Variants in DYNC2I2 observed in about 807,000 individuals in gnomAD.
DYNC2I2 encodes dynein 2 intermediate chain 2.
Under a neutral mutation model 52.0 loss-of-function variants are expected in DYNC2I2, and 39 were observed. The observed-to-expected ratio is 0.75, with a 90% CI of 0.58 to 0.98. DYNC2I2 has a LOEUF of 0.98. Among genes scored for constraint, DYNC2I2 ranks in the 50% least tolerant of loss-of-function variants. DYNC2I2 has a pLI of 0.00. For synonymous variants in DYNC2I2, 359 were observed against 321.1 expected, an observed-to-expected ratio of 1.12 and a Z score of -1.26; for missense variants, 743 against 728.4, an observed-to-expected ratio of 1.02 and a Z score of -0.23.
intron 8 of DYNC2I2, 27 bp downstream of exon 8, chr9:128,634,199 G>C (rs1445871239): frequency 6.2e-7 from 1 of 1,612,578 alleles, no homozygotes; most frequent in African/African-American, 1.3e-5. Flanking sequence ...CCCTTAAACA[G>C]ATCCAGGCCT....
At chr9:128,637,245 G>A (rs1860432968) in intron 2 of DYNC2I2, among the ~76,000 whole-genome samples, 1 of 152,192 alleles carries the variant, frequency 6.6e-6, no homozygotes, top group African/African-American at 2.4e-5. Flanking sequence ...AGGCCGACCA[G>A]GCTCCCGCCC....
the DYNC2I2 span, among the ~76,000 whole-genome samples, chr9:128,682,901 T>G: frequency 6.6e-6 from 1 of 151,096 alleles, no homozygotes; most frequent in African/African-American, 2.4e-5. Context: ...TGGTCTCGAT[T>G]TCCTGACCTC....
intron 1 of DYNC2I2, among the ~76,000 whole-genome samples, chr9:128,643,475 C>T (rs1413906378): frequency 2.7e-5 from 4 of 150,448 alleles, no homozygotes; most frequent in African/African-American, 4.9e-5. Flanking sequence ...TGCAGTGAGC[C>T]GAGATCGTGC....
chr9:128,658,721 A>AT (rs746310535), upstream of DYNC2I2, among the ~76,000 whole-genome samples: 69,890 of 91,650 alleles, frequency 0.76, 27,729 homozygotes, highest in Non-Finnish European at 0.84. Flanking sequence ...ACCTGACCTA[A>AT]TTTTTTTTTT....
In DYNC2I2 at chr9:128,634,241, C is replaced by T. The variant is rs546389016; in HGVS notation, c.1357G>A (p.Ala453Thr). The change falls in exon 8 of 9, where the codon GCT becomes ACT. Residue 453 changes from alanine (A) to threonine (T), a missense_variant. Physicochemically the swap from Ala to Thr is moderately conservative, Grantham distance 58. Transcript: ENST00000372715. ...WSPVRPLVFA[A>T]ASGKGDVQLF... is the part of the protein sequence containing the mutation. ...CCCTTCCTACCTTTCCCAGAGGCAG[C>T]TGCAAAAACCAAGGGCCGCACTGGG... 1.9e-6 allele frequency: 3 copies of T among 1,613,812 alleles called. No homozygotes were observed. The highest frequency in any genetic ancestry group is 2.2e-5 in the East Asian group (1 of 44,882).
the DYNC2I2 span, among the ~76,000 whole-genome samples, chr9:128,662,510 A>G: frequency 4.6e-5 from 7 of 151,732 alleles, no homozygotes; most frequent in Non-Finnish European, 1.0e-4. Flanking sequence ...CCTGGGTTCA[A>G]GCAATTCTCC....
chr9:128,673,634 T>C, the DYNC2I2 span, among the ~76,000 whole-genome samples: 1 of 151,146 alleles, frequency 6.6e-6, no homozygotes, highest in Non-Finnish European at 1.5e-5. Context: ...GCCTCCCGAG[T>C]AGCTGGAACT....
At chr9:128,648,870 T>TA (rs1403774972) in intron 1 of DYNC2I2, among the ~76,000 whole-genome samples, 2 of 151,186 alleles carry the variant, frequency 1.3e-5, no homozygotes, top group South Asian at 2.1e-4. Context: ...GGCACTCACT[T>TA]AGAGGCCCAG....
intron 1 of DYNC2I2, among the ~76,000 whole-genome samples, chr9:128,655,494 G>A (rs1296461234): frequency 1.5e-5 from 2 of 134,072 alleles, no homozygotes; most frequent in Non-Finnish European, 3.2e-5. Flanking sequence ...CCGGGCGACA[G>A]AGCGAGACTC....
At chr9:128,641,438 A>G (rs1423331684) in intron 1 of DYNC2I2, among the ~76,000 whole-genome samples, 1 of 152,132 alleles carries the variant, frequency 6.6e-6, no homozygotes, top group Non-Finnish European at 1.5e-5. Context: ...ATGAGCTGCT[A>G]GGTGGGAGGC....
chr9:128,643,354 G>A (rs1459127103), intron 1 of DYNC2I2, among the ~76,000 whole-genome samples: 1 of 151,950 alleles, frequency 6.6e-6, no homozygotes, highest in African/African-American at 2.4e-5. Context: ...GTGAAACCCC[G>A]TCTCTACTAA....
At chr9:128,666,232 C>T in the DYNC2I2 span, among the ~76,000 whole-genome samples, 18,347 of 145,418 alleles carry the variant, frequency 0.13, 1,438 homozygotes, top group South Asian at 0.21. Flanking sequence ...AAAAGTTAGC[C>T]GGGCGTGGGC....
intron 1 of DYNC2I2, among the ~76,000 whole-genome samples, chr9:128,654,569 C>G (rs1860781066): frequency 6.6e-6 from 1 of 151,940 alleles, no homozygotes; most frequent in African/African-American, 2.4e-5. Context: ...CTTTTTTTCC[C>G]CCTGTAAAGT....
At chr9:128,661,304 C>CAAAAAAAAAAA (rs34937317), upstream of DYNC2I2, among the ~76,000 whole-genome samples, 1 of 62,220 alleles carries the variant, frequency 1.6e-5, no homozygotes, top group African/African-American at 4.9e-5. Context: ...GACTCCATCT[C>CAAAAAAAAAAA]AAAAAAAAAA....
chr9:128,672,977 T>C, the DYNC2I2 span, among the ~76,000 whole-genome samples: 3 of 152,110 alleles, frequency 2.0e-5, no homozygotes, highest in African/African-American at 7.2e-5. Context: ...TGAGCCGAGA[T>C]TGGGCCACTG....
At chr9:128,670,212 G>T in the DYNC2I2 span, among the ~76,000 whole-genome samples, 1 of 152,114 alleles carries the variant, frequency 6.6e-6, no homozygotes, top group African/African-American at 2.4e-5. Flanking sequence ...AGCCCAAGGG[G>T]CGGATCACCG....
Position 128,634,696 on chromosome 9 carries a change from AG to A in DYNC2I2, c.1206del (p.Phe403SerfsTer7), listed in dbSNP as rs1860335394. 1 of 1,565,414 alleles carries A rather than the reference AG, an allele frequency of 6.4e-7. No homozygotes were observed. Reference protein sequence around the residue: ...GGPIYSVSCSPFHRNLFLSAG... With the variant: ...GGPIYSVSCSXFHRNLFLSAG... ...CAGGCCTGCCCTACGTACCTGTGGA[AG>A]GGGGAACAGCTCACAGAGTAGATGG... On this transcript the variant is annotated frameshift_variant, in exon 7 of 9. Coordinates refer to ENST00000372715, the MANE Select transcript of DYNC2I2 (RefSeq NM_052844.4). LOFTEE classifies it high-confidence loss of function.
At chr9:128,665,518 C>T in the DYNC2I2 span, among the ~76,000 whole-genome samples, 1 of 151,982 alleles carries the variant, frequency 6.6e-6, no homozygotes, top group East Asian at 1.9e-4. Flanking sequence ...ACCTGTAATT[C>T]CAGTACATTA....
chr9:128,638,553 A>C (rs1282576021), intron 2 of DYNC2I2, among the ~76,000 whole-genome samples: 1 of 152,116 alleles, frequency 6.6e-6, no homozygotes, highest in Non-Finnish European at 1.5e-5. Flanking sequence ...AATAAAAAAG[A>C]AACTATCCAC....
Sources: gnomAD v4.1 joint callset for allele counts (sites outside exome capture counted in the v4.1 genomes callset) on GRCh38, gnomAD v4.1.1 for gene constraint, MANE v1.5 for transcripts, NCBI Gene and HGNC (gene_info 2026-07-23, HGNC 2026-07-21) for gene names.